Variants in CNTN4 observed in about 807,000 individuals in gnomAD.
CNTN4 encodes the protein contactin 4.
Under a neutral mutation model 122.5 loss-of-function variants are expected in CNTN4, and 77 were observed. The observed-to-expected ratio is 0.63, with a 90% CI of 0.52 to 0.76. The LOEUF (loss-of-function observed/expected upper bound fraction) is 0.76. Ranked by LOEUF, CNTN4 falls within the 30% of genes least tolerant of loss-of-function variation. The pLI is 0.00. For missense variants in CNTN4, 1,256 were observed against 1,259.1 expected (o/e 1.00, Z 0.04); for synonymous variants, 512 against 447.0 (o/e 1.15, Z -1.83).
rs551281379 is a variant in CNTN4, at chr3:2,847,385, A to G, written c.455-19367A>G. Among the ~76,000 whole-genome samples, 3 of 152,310 alleles carry G rather than the reference A, an allele frequency of 2.0e-5. No individual in the cohort carries two copies. The East Asian group carries it at 5.8e-4, about 29-fold the overall frequency. Reference sequence around the variant, plus strand: ...TTCCACAAGCTAAATAAGTGCCTCTAGGGTCAGGCATCATCAAAGAGGGTC... The same window carrying G: ...TTCCACAAGCTAAATAAGTGCCTCTGGGGTCAGGCATCATCAAAGAGGGTC... On this transcript the variant is annotated intron_variant, in intron 7 of 24. Coordinates refer to ENST00000418658, the MANE Select transcript of CNTN4 (RefSeq NM_175607.3).
At chr3:2,977,877 T>G (rs529888368) in intron 13 of CNTN4, among the ~76,000 whole-genome samples, 1 of 152,228 alleles carries the variant, frequency 6.6e-6, no homozygotes, top group African/African-American at 2.4e-5. Context: ...GATGTCCTTA[T>G]GTAAGGAGAG....
At chr3:2,206,571 A>T (rs998817009) in intron 2 of CNTN4, among the ~76,000 whole-genome samples, 4 of 152,130 alleles carry the variant, frequency 2.6e-5, no homozygotes, top group Admixed American at 6.6e-5. Flanking sequence ...TGATTCTAAG[A>T]CAGTGATACC....
intron 4 of CNTN4, among the ~76,000 whole-genome samples, chr3:2,713,768 TAGAA>T (rs1437421684): frequency 2.0e-5 from 3 of 152,162 alleles, no homozygotes; most frequent in African/African-American, 4.8e-5. Context: ...GAAATAATTA[TAGAA>T]AGAAAGAAAT....
intron 4 of CNTN4, among the ~76,000 whole-genome samples, chr3:2,660,922 A>G (rs984599168): frequency 6.6e-6 from 1 of 152,246 alleles, no homozygotes; most frequent in Non-Finnish European, 1.5e-5. Context: ...ATGATTTACT[A>G]AAGGTCATCA....
At chr3:2,191,045 TCTC>T (rs1239215674) in intron 2 of CNTN4, among the ~76,000 whole-genome samples, 1 of 152,040 alleles carries the variant, frequency 6.6e-6, no homozygotes, top group Non-Finnish European at 1.5e-5. Flanking sequence ...TCTCTCAGAA[TCTC>T]CTCTATCCTC....
intron 6 of CNTN4, among the ~76,000 whole-genome samples, chr3:2,796,908 C>G (rs562306240): frequency 2.0e-5 from 3 of 152,310 alleles, no homozygotes; most frequent in South Asian, 4.1e-4. Context: ...CAGTACCCCA[C>G]CCCTACTTCA....
chr3:2,434,139 T>C (rs914157249), intron 3 of CNTN4, among the ~76,000 whole-genome samples: 2 of 152,200 alleles, frequency 1.3e-5, no homozygotes, highest in Admixed American at 6.5e-5. Context: ...TCAAAATTGC[T>C]GAGTAAATTT....
At chr3:2,590,588 T>A (rs2080424325) in intron 4 of CNTN4, among the ~76,000 whole-genome samples, 2 of 152,038 alleles carry the variant, frequency 1.3e-5, no homozygotes, top group East Asian at 3.9e-4. Flanking sequence ...ATGTCTTACA[T>A]GAGTTGGTTC....
At chr3:2,181,639 A>G (rs1203851119) in intron 2 of CNTN4, among the ~76,000 whole-genome samples, 2 of 152,210 alleles carry the variant, frequency 1.3e-5, no homozygotes, top group East Asian at 3.9e-4. Context: ...TGTTTGGCTT[A>G]TTAATTAGTT....
intron 3 of CNTN4, among the ~76,000 whole-genome samples, chr3:2,450,253 G>A (rs540793181): frequency 6.6e-6 from 1 of 152,130 alleles, no homozygotes; most frequent in African/African-American, 2.4e-5. Flanking sequence ...TGTAGTCCCA[G>A]CTACTTGGGA....
rs540342119 is a variant in CNTN4, at chr3:2,374,018, AGGATTAGGAGAACTTTTGTTCTCC to A, written c.-89+34788_-89+34811del. 4.3e-3 allele frequency among the ~76,000 whole-genome samples: 661 copies of A among 152,316 alleles called. 7 individuals carry two copies. Among genetic ancestry groups the A allele is most frequent in the African/African-American group, 0.015 (605 of 41,570 alleles). On this transcript the variant is annotated intron_variant, in intron 3 of 24. Coordinates refer to ENST00000418658, the MANE Select transcript of CNTN4 (RefSeq NM_175607.3). ...AATCAATAATAATGATTTCTTTGTT[AGGATTAGGAGAACTTTTGTTCTCC>A]GGGATACATGGCAGGAATATTTAGC...
chr3:2,425,665 A>G (rs1416343566), intron 3 of CNTN4, among the ~76,000 whole-genome samples: 4 of 152,116 alleles, frequency 2.6e-5, no homozygotes, highest in African/African-American at 9.7e-5. Flanking sequence ...CTTGGGCAGT[A>G]TGGCCATTTT....
chr3:2,769,192 G>A (rs1016195887), intron 6 of CNTN4, among the ~76,000 whole-genome samples: 2 of 152,090 alleles, frequency 1.3e-5, no homozygotes, highest in Admixed American at 1.3e-4. Flanking sequence ...GGCCAGGCAC[G>A]GTGGCTCACA....
intron 6 of CNTN4, among the ~76,000 whole-genome samples, chr3:2,804,737 C>CTTTAGTTTTTTTTTT (rs1553643947): frequency 3.5e-5 from 5 of 144,872 alleles, no homozygotes; most frequent in East Asian, 2.3e-4. Context: ...ATTTTGAGCA[C>CTTTAGTTTTTTTTTT]TTTTTTTTTG....
intron 2 of CNTN4, among the ~76,000 whole-genome samples, chr3:2,168,215 G>C (rs966317811): frequency 1.8e-4 from 27 of 152,028 alleles, no homozygotes; most frequent in African/African-American, 6.0e-4. Flanking sequence ...TATGAAATTT[G>C]ATCATATATG....
At chr3:2,624,648 T>C (rs183122340) in intron 4 of CNTN4, among the ~76,000 whole-genome samples, 46 of 145,412 alleles carry the variant, frequency 3.2e-4, no homozygotes, top group African/African-American at 8.2e-4. Flanking sequence ...TTTTTTTTTT[T>C]CGAGGCTGAG....
At chr3:2,805,068 T>C (rs1202478001) in intron 6 of CNTN4, among the ~76,000 whole-genome samples, 4 of 152,028 alleles carry the variant, frequency 2.6e-5, no homozygotes, top group African/African-American at 9.7e-5. Context: ...TCCCAGCTAC[T>C]TGGGAGGCTG....
chr3:2,892,660 A>T (rs2094056557), intron 10 of CNTN4, among the ~76,000 whole-genome samples: 1 of 152,230 alleles, frequency 6.6e-6, no homozygotes, highest in Non-Finnish European at 1.5e-5. Flanking sequence ...ATGAAGTGTG[A>T]ACTACAAGAG....
intron 2 of CNTN4, among the ~76,000 whole-genome samples, chr3:2,331,723 C>G (rs2043729928): frequency 6.6e-6 from 1 of 152,128 alleles, no homozygotes. Context: ...GAACCTCCAG[C>G]CTGTCTATTG....
Sources: allele counts gnomAD v4.1 joint callset (sites outside exome capture counted in the v4.1 genomes callset), GRCh38; gene constraint gnomAD v4.1.1; transcripts MANE v1.5; gene names NCBI Gene and HGNC (gene_info 2026-07-23, HGNC 2026-07-21).